Variants in PDE4D observed in about 807,000 individuals in gnomAD.
PDE4D encodes 3',5'-cyclic-AMP phosphodiesterase 4D.
Under a neutral mutation model 87.4 loss-of-function variants are expected in PDE4D, and 24 were observed. The ratio of observed to expected loss-of-function variants is 0.27; its 90% CI spans 0.20 to 0.39. The LOEUF is 0.39. Ranked by LOEUF, PDE4D falls within the 10% of genes least tolerant of loss-of-function variation. The pLI is 1.00. For synonymous variants in PDE4D, 384 were observed against 383.2 expected, an observed-to-expected ratio of 1.00 and a Z score of -0.02; for missense variants, 714 against 1,041.0, an observed-to-expected ratio of 0.69 and a Z score of 4.32.
intron 1 of PDE4D, among the ~76,000 whole-genome samples, chr5:59,277,688 G>A (rs752997004): frequency 2.0e-5 from 3 of 152,104 alleles, no homozygotes; most frequent in Admixed American, 6.6e-5. Flanking sequence ...TCTGACTGTT[G>A]AGTTTTCAAC....
chr5:59,985,630 A>T (rs1762386692), intron 3 of PDE4D, among the ~76,000 whole-genome samples: 1 of 152,216 alleles, frequency 6.6e-6, no homozygotes, highest in Admixed American at 6.5e-5. Context: ...TTTTGAAATG[A>T]AACCCTTGTT....
At chr5:59,668,721 AAG>A (rs1318267115) in intron 1 of PDE4D, among the ~76,000 whole-genome samples, 4 of 102,462 alleles carry the variant, frequency 3.9e-5, no homozygotes, top group Admixed American at 1.9e-4. Context: ...CAAGAAAAAA[AAG>A]AAGAAGAAGA....
chr5:60,395,214 A>G (rs1034155804), intron 1 of PDE4D, among the ~76,000 whole-genome samples: 1 of 152,196 alleles, frequency 6.6e-6, no homozygotes, highest in African/African-American at 2.4e-5. Context: ...ACCAGCAGAA[A>G]TCTGACAGCC....
At chr5:58,982,893 G>T (rs754456550) in intron 11 of PDE4D, among the ~76,000 whole-genome samples, 2 of 152,160 alleles carry the variant, frequency 1.3e-5, no homozygotes, top group Admixed American at 6.5e-5. Flanking sequence ...CTCTGCCAAG[G>T]TCACACTTTG....
intron 3 of PDE4D, among the ~76,000 whole-genome samples, chr5:59,963,002 T>A (rs1018462288): frequency 2.0e-5 from 3 of 152,192 alleles, no homozygotes; most frequent in African/African-American, 7.2e-5. Context: ...ACTAAAAGAC[T>A]GGAGAGGAGA....
chr5:59,146,148 T>C (rs1350606960), intron 5 of PDE4D, among the ~76,000 whole-genome samples: 2 of 152,030 alleles, frequency 1.3e-5, no homozygotes, highest in African/African-American at 4.8e-5. Context: ...TAGATACATA[T>C]ATACATACAC....
rs1476551203 is a variant in PDE4D, at chr5:59,754,925, G to A, written c.455+138243C>T. Among the ~76,000 whole-genome samples, 3 of 144,706 alleles carry A rather than the reference G, an allele frequency of 2.1e-5. No homozygotes were observed. In the East Asian group the frequency reaches 6.5e-4, roughly 31 times the overall value. 94.9% of individuals were successfully genotyped at this position (144,706 alleles called of 152,430 possible). A position where few individuals can be genotyped will look rare whatever the true frequency, so the allele number is the denominator to read the frequency against. On this transcript the variant is annotated intron_variant, in intron 1 of 14. Coordinates refer to ENST00000340635, the MANE Select transcript of PDE4D (RefSeq NM_001104631.2). ...TAGGGATTAGCATCACCCAATCCAAGTTCAGTGTGTTTACCTGCAACTAAG... is the reference window on the plus strand; with the variant it reads ...TAGGGATTAGCATCACCCAATCCAAATTCAGTGTGTTTACCTGCAACTAAG...
At chr5:60,244,452 A>G (rs1221098675) in intron 1 of PDE4D, among the ~76,000 whole-genome samples, 3 of 151,986 alleles carry the variant, frequency 2.0e-5, no homozygotes, top group African/African-American at 7.2e-5. Flanking sequence ...AAAAAATCCT[A>G]AAATTTATAT....
intron 1 of PDE4D, among the ~76,000 whole-genome samples, chr5:60,457,751 C>T (rs1438092737): frequency 6.6e-6 from 1 of 152,166 alleles, no homozygotes; most frequent in Non-Finnish European, 1.5e-5. Flanking sequence ...TTATTTAACT[C>T]TTCCGAGTCT....
chr5:60,213,377 A>G (rs953836283), intron 1 of PDE4D, among the ~76,000 whole-genome samples: 7 of 152,144 alleles, frequency 4.6e-5, no homozygotes, highest in African/African-American at 1.7e-4. Context: ...GAATTGTAGC[A>G]GCCATGTTGG....
At chr5:60,239,722 T>C (rs78194292) in intron 1 of PDE4D, among the ~76,000 whole-genome samples, 4,165 of 152,178 alleles carry the variant, frequency 0.027, 204 homozygotes, top group African/African-American at 0.095. Context: ...AACTGAATTT[T>C]CTAATTGTCT....
chr5:60,265,184 G>A (rs541570455), intron 1 of PDE4D, among the ~76,000 whole-genome samples: 8 of 152,236 alleles, frequency 5.3e-5, no homozygotes, highest in South Asian at 4.1e-4. Context: ...ATAGCAGTTC[G>A]CTAGTCATAT....
At chr5:59,716,533 C>T (rs1403064461) in intron 1 of PDE4D, among the ~76,000 whole-genome samples, 2 of 152,130 alleles carry the variant, frequency 1.3e-5, no homozygotes, top group Admixed American at 6.6e-5. Flanking sequence ...AATTGAGCAT[C>T]GTATAGGGAA....
intron 5 of PDE4D, among the ~76,000 whole-genome samples, chr5:59,131,641 C>CAT (rs1776298765): frequency 8.9e-6 from 1 of 112,862 alleles, no homozygotes; most frequent in African/African-American, 3.1e-5. Flanking sequence ...CACACACACA[C>CAT]ACACATTAAT....
chr5:59,745,863 T>C (rs1194200233), intron 1 of PDE4D, among the ~76,000 whole-genome samples: 2 of 152,152 alleles, frequency 1.3e-5, no homozygotes, highest in African/African-American at 2.4e-5. Flanking sequence ...AATATAAATA[T>C]GCAAGCAGGC....
intron 2 of PDE4D, among the ~76,000 whole-genome samples, chr5:60,056,612 G>A (rs1770805013): frequency 6.6e-6 from 1 of 151,996 alleles, no homozygotes; most frequent in Non-Finnish European, 1.5e-5. Context: ...TAATTTCAAA[G>A]CACAATGATA....
chr5:60,401,558 G>C (rs530562194), intron 1 of PDE4D, among the ~76,000 whole-genome samples: 12 of 152,322 alleles, frequency 7.9e-5, no homozygotes, highest in Non-Finnish European at 1.5e-4. Flanking sequence ...GCTTTGAACT[G>C]ATAATGATGT....
chr5:59,578,021 C>T (rs144856180), intron 1 of PDE4D, among the ~76,000 whole-genome samples: 37 of 152,108 alleles, frequency 2.4e-4, no homozygotes, highest in Non-Finnish European at 4.6e-4. Context: ...AGCTTCATAG[C>T]GGTTTTGAAG....
chr5:60,132,391 C>T (rs1582806836), intron 2 of PDE4D, among the ~76,000 whole-genome samples: 1 of 152,000 alleles, frequency 6.6e-6, no homozygotes, highest in East Asian at 1.9e-4. Flanking sequence ...TTATGTATTA[C>T]CGTATTCCAG....
Sources: gnomAD v4.1 joint callset for allele counts (sites outside exome capture counted in the v4.1 genomes callset) on GRCh38, gnomAD v4.1.1 for gene constraint, MANE v1.5 for transcripts, NCBI Gene and HGNC (gene_info 2026-07-23, HGNC 2026-07-21) for gene names.